The following MAP3K2 variants were observed in gnomAD, a reference collection of about 807,000 sequenced individuals.
The protein encoded by MAP3K2 is MAP/ERK kinase kinase 2.
A neutral mutation model predicts 80.3 loss-of-function variants in MAP3K2; 24 were observed. That is an observed-to-expected ratio of 0.30 (90% CI 0.22 to 0.42). The LOEUF is 0.42. Ranked by LOEUF, MAP3K2 falls within the 10% of genes least tolerant of loss-of-function variation. The pLI is 1.00. For synonymous variants in MAP3K2, 244 were observed against 253.7 expected (o/e 0.96, Z 0.36); for missense variants, 608 against 750.1 (o/e 0.81, Z 2.21).
chr2:127,318,467 G>A (rs548877605), intron 12 of MAP3K2, 150 bp from the exon 13 acceptor site: 9 of 555,232 alleles, frequency 1.6e-5, no homozygotes, highest in South Asian at 8.0e-5. Flanking sequence ...CACAGTTACC[G>A]TCTTTCAAAT....
intron 1 of MAP3K2, among the ~76,000 whole-genome samples, chr2:127,381,752 C>T (rs1041563584): frequency 1.3e-5 from 2 of 152,224 alleles, no homozygotes; most frequent in Admixed American, 1.3e-4. Flanking sequence ...AATAATGGGA[C>T]TGCACAGTGT....
intron 1 of MAP3K2, among the ~76,000 whole-genome samples, chr2:127,344,671 TA>T (rs1336039785): frequency 6.6e-6 from 1 of 152,008 alleles, no homozygotes; most frequent in Non-Finnish European, 1.5e-5. Flanking sequence ...CGAAAACATT[TA>T]AAAAATTGTA....
At chr2:127,388,415 C>T (rs943874516), upstream of MAP3K2, 2 of 985,310 alleles carry the variant, frequency 2.0e-6, no homozygotes, top group Admixed American at 1.2e-4. Flanking sequence ...CCGTCTGCCT[C>T]TTAATTTGTG....
chr2:127,330,541 A>C, intron 5 of MAP3K2, 36 bp from the exon 6 acceptor site: 138 of 1,030,568 alleles, frequency 1.3e-4, no homozygotes, highest in Middle Eastern at 4.1e-4. Context: ...CAGCTATCTC[A>C]CCAGGTCAAG....
intron 12 of MAP3K2, 105 bp from the exon 13 acceptor site, chr2:127,318,422 C>A: frequency 1.2e-6 from 1 of 840,860 alleles, no homozygotes; most frequent in East Asian, 3.3e-5. Context: ...ATTGAATGTA[C>A]TTGGATATAA....
chr2:127,383,130 T>A (rs972594939), intron 1 of MAP3K2, among the ~76,000 whole-genome samples: 1 of 152,190 alleles, frequency 6.6e-6, no homozygotes, highest in African/African-American at 2.4e-5. Context: ...CACATGAACT[T>A]GCTCATCATC....
intron 14 of MAP3K2, 102 bp downstream of exon 14, chr2:127,317,527 T>TA: frequency 2.1e-6 from 2 of 974,330 alleles, no homozygotes; most frequent in Non-Finnish European, 2.9e-6. Context: ...AAAATGTCCT[T>TA]AACTAGGGTT....
In MAP3K2 at chr2:127,300,804, A is replaced by C. The variant is rs1685577429; in HGVS notation, c.*6775T>G. 4 of 152,196 alleles carry C rather than the reference A, an allele frequency of 2.6e-5. No individual in the cohort carries two copies. Among genetic ancestry groups the C allele is most frequent in the Admixed American group, 2.6e-4 (4 of 15,282 alleles). 9.4% of individuals were successfully genotyped at this position (152,196 alleles called of 1,614,324 possible). On this transcript the variant is annotated 3_prime_UTR_variant, in exon 17 of 17. Transcript: ENST00000682094. ...ATTGCCCATAAGCCTCTCCAGCTCA[A>C]ATGTTTCAACTAGTCCTCTCTTCTT...
rs1256417138 is a variant in MAP3K2 at position 127,310,096 on chromosome 2, T to G, written c.1457-1334A>C. Among the ~76,000 whole-genome samples, 1 of 152,232 alleles carries G rather than the reference T, an allele frequency of 6.6e-6. No individual in the cohort carries two copies. The highest frequency in any genetic ancestry group is 6.5e-5 in the Admixed American group (1 of 15,288). ...ATCACTATGAACATGGATATTTGTT[T>G]TATACACTGGGTTATAATCCAGTAC... On this transcript the variant is annotated intron_variant, in intron 15 of 16. Coordinates refer to ENST00000682094, the MANE Select transcript of MAP3K2 (RefSeq NM_001371910.2). The surrounding 1 kb of genome is among the most constrained non-coding windows in gnomAD (Gnocchi z 4.8).
At position 127,318,253 on chromosome 2, in the gene MAP3K2, G is replaced by A; in HGVS notation, c.1110C>T (p.Val370=). 10 of 1,611,504 alleles carry A rather than the reference G, an allele frequency of 6.2e-6. No individual in the cohort carries two copies. Among genetic ancestry groups the A allele is most frequent in the Non-Finnish European group, 7.6e-6 (9 of 1,178,946 alleles). ...CTGTATCAACATCATAACAGAGGTA[G>A]ACCCTTCCAAAGGCTCCTTGGCCAA... ...KLLGQGAFGR[V]YLCYDVDTGR... The change falls in exon 13 of 17, where the codon GTC becomes GTT. Residue 370 remains valine (V), a synonymous_variant. Coordinates refer to ENST00000682094, the MANE Select transcript of MAP3K2 (RefSeq NM_001371910.2).
chr2:127,331,795 AG>A (rs1686261158), intron 5 of MAP3K2, among the ~76,000 whole-genome samples: 1 of 152,174 alleles, frequency 6.6e-6, no homozygotes. Flanking sequence ...TAGCAGAGAC[AG>A]GGTTTCAACA....
chr2:127,377,782 C>T (rs180833443), intron 1 of MAP3K2, among the ~76,000 whole-genome samples: 35 of 152,138 alleles, frequency 2.3e-4, no homozygotes, highest in East Asian at 1.7e-3. Context: ...CTTTATAAAA[C>T]AGGAAGAGAA....
At chr2:127,309,161 C>A (rs1157662130) in intron 15 of MAP3K2, among the ~76,000 whole-genome samples, 1 of 152,144 alleles carries the variant, frequency 6.6e-6, no homozygotes, top group Non-Finnish European at 1.5e-5. Flanking sequence ...GAGAAGTCAG[C>A]CTTTTCTCAG....
At chr2:127,382,074 T>C (rs766140461) in intron 1 of MAP3K2, among the ~76,000 whole-genome samples, 113 of 152,328 alleles carry the variant, frequency 7.4e-4, no homozygotes, top group Non-Finnish European at 1.5e-3. Flanking sequence ...AACAACTAAA[T>C]GCAATGAATA....
intron 1 of MAP3K2, among the ~76,000 whole-genome samples, chr2:127,382,662 A>G (rs1687266159): frequency 6.6e-6 from 1 of 152,234 alleles, no homozygotes; most frequent in Non-Finnish European, 1.5e-5. Context: ...CCTCCCAAGT[A>G]TCTGGGACTA....
intron 1 of MAP3K2, among the ~76,000 whole-genome samples, chr2:127,344,601 T>A (rs1172009677): frequency 6.6e-6 from 1 of 151,270 alleles, no homozygotes; most frequent in Admixed American, 6.6e-5. Context: ...GCCAGGGAGG[T>A]CAACGCTGCA....
At chr2:127,320,117 A>G (rs981271712) in intron 12 of MAP3K2, among the ~76,000 whole-genome samples, 2 of 152,198 alleles carry the variant, frequency 1.3e-5, no homozygotes, top group African/African-American at 2.4e-5. Flanking sequence ...ATGTAAAATG[A>G]TAAGACACAA....
intron 1 of MAP3K2, among the ~76,000 whole-genome samples, chr2:127,381,305 TG>T (rs2104903425): frequency 6.6e-6 from 1 of 152,364 alleles, no homozygotes; most frequent in South Asian, 2.1e-4. Flanking sequence ...ATTGTATTTC[TG>T]GGTTATTCTT....
In MAP3K2 at chr2:127,302,294, C is replaced by T. The variant is rs931484385; in HGVS notation, c.*5285G>A. 6.6e-6 allele frequency: 1 copy of T among 152,074 alleles called. No homozygotes were observed. The highest frequency in any genetic ancestry group is 1.5e-5 in the Non-Finnish European group (1 of 68,000). The allele number at this position is 152,074 out of a possible 1,614,324, so 9.4% of individuals were successfully genotyped here. ...GTACTAGCTACTTCTGGAAAATGTA[C>T]TGGTGTTCCTACCCAAGGATGACTA... is the stretch of plus-strand genomic sequence containing the variant. On this transcript the variant is annotated 3_prime_UTR_variant, in exon 17 of 17. Coordinates refer to ENST00000682094, the MANE Select transcript of MAP3K2 (RefSeq NM_001371910.2).
Sources: allele counts gnomAD v4.1 joint callset (sites outside exome capture counted in the v4.1 genomes callset), GRCh38; gene constraint gnomAD v4.1.1; non-coding constraint Gnocchi (gnomAD v3.1); transcripts MANE v1.5; gene names NCBI Gene and HGNC (gene_info 2026-07-23, HGNC 2026-07-21).